CDH4: variants seen among roughly 807,000 people sequenced by gnomAD.
CDH4 encodes the protein cadherin-4.
In CDH4, 33 loss-of-function variants were observed where a neutral mutation model predicts 86.0. The ratio of observed to expected loss-of-function variants is 0.38; its 90% confidence interval spans 0.29 to 0.51. CDH4 has a LOEUF of 0.51. Among genes scored for constraint, CDH4 ranks in the 20% least tolerant of loss-of-function variants. The pLI is 0.86. For missense variants in CDH4, 1,114 were observed against 1,307.4 expected (o/e 0.85, Z 2.28); for synonymous variants, 555 against 549.4 (o/e 1.01, Z -0.14).
rs6061346 is a variant in CDH4, at chr20:61,754,663, C to T, written c.396+10874C>T. Among the ~76,000 whole-genome samples, 5,572 of 147,410 alleles carry T rather than the reference C, an allele frequency of 0.038. 351 individuals are homozygous for T. Among genetic ancestry groups the T allele is most frequent in the African/African-American group, 0.13 (5,283 of 39,940 alleles). On this transcript the variant is annotated intron_variant, in intron 3 of 15. Coordinates refer to ENST00000614565, the MANE Select transcript of CDH4 (RefSeq NM_001794.5). This position sits in a 1 kb window ranked among gnomAD's most constrained non-coding sequence, Gnocchi z 4.7. ...ACGCCCCACACACCACACGCACACA[C>T]GCCCCGCACACACTATGCACACCAC...
chr20:61,671,498 GA>G (rs1262480462), intron 2 of CDH4, among the ~76,000 whole-genome samples: 1 of 151,666 alleles, frequency 6.6e-6, no homozygotes, highest in Non-Finnish European at 1.5e-5. Context: ...CTGGTCTCTA[GA>G]AAAAAAAGAA....
intron 2 of CDH4, among the ~76,000 whole-genome samples, chr20:61,444,132 C>T (rs1405912712): frequency 1.3e-5 from 2 of 148,784 alleles, no homozygotes; most frequent in Admixed American, 1.3e-4. Flanking sequence ...ATATGTGTCT[C>T]TGTATGTCTG....
chr20:61,282,413 A>T (rs934124395), intron 2 of CDH4, among the ~76,000 whole-genome samples: 2 of 152,264 alleles, frequency 1.3e-5, no homozygotes, highest in Admixed American at 1.3e-4. Flanking sequence ...TTCATAAAAC[A>T]TTCTGTATTT....
chr20:61,907,884 G>A (rs889814069), intron 8 of CDH4, among the ~76,000 whole-genome samples: 4 of 152,198 alleles, frequency 2.6e-5, no homozygotes, highest in Non-Finnish European at 5.9e-5. Context: ...GTGGCTGAGC[G>A]TGGCCATCGT....
At chr20:61,400,701 T>C (rs1025564189) in intron 2 of CDH4, among the ~76,000 whole-genome samples, 3 of 152,148 alleles carry the variant, frequency 2.0e-5, no homozygotes, top group African/African-American at 7.2e-5. Context: ...GGGGTGGGGA[T>C]GCGAGAAGCT....
intron 2 of CDH4, among the ~76,000 whole-genome samples, chr20:61,401,319 C>T (rs1301135282): frequency 6.6e-6 from 1 of 152,192 alleles, no homozygotes; most frequent in Non-Finnish European, 1.5e-5. Context: ...TGGTTCTGTG[C>T]CTGGTACATT....
intron 2 of CDH4, among the ~76,000 whole-genome samples, chr20:61,561,740 A>G (rs1354784495): frequency 6.6e-6 from 1 of 152,256 alleles, no homozygotes; most frequent in Admixed American, 6.5e-5. Flanking sequence ...TTTAGCCACA[A>G]AATGAGCATG....
At chr20:61,267,104 CAG>C (rs933110893) in intron 2 of CDH4, among the ~76,000 whole-genome samples, 11 of 152,026 alleles carry the variant, frequency 7.2e-5, no homozygotes, top group African/African-American at 2.2e-4. Flanking sequence ...CTAGAATCTG[CAG>C]AGAGAGAGAG....
At chr20:61,666,575 C>T (rs767406648) in intron 2 of CDH4, among the ~76,000 whole-genome samples, 8 of 152,188 alleles carry the variant, frequency 5.3e-5, no homozygotes, top group Admixed American at 3.3e-4. Flanking sequence ...ACATGGAGGA[C>T]GGAGCTGAGG....
At chr20:61,398,002 C>T (rs1322980896) in intron 2 of CDH4, among the ~76,000 whole-genome samples, 3 of 152,198 alleles carry the variant, frequency 2.0e-5, no homozygotes, top group African/African-American at 7.2e-5. Context: ...TGCCGAGCTG[C>T]GTGCCTGGGA....
At chr20:61,667,860 A>G (rs1600856425) in intron 2 of CDH4, among the ~76,000 whole-genome samples, 1 of 152,204 alleles carries the variant, frequency 6.6e-6, no homozygotes, top group South Asian at 2.1e-4. Flanking sequence ...CTGAACAGGA[A>G]ATGCACGTCT....
intron 2 of CDH4, among the ~76,000 whole-genome samples, chr20:61,662,607 G>A (rs966835623): frequency 2.6e-5 from 4 of 152,178 alleles, no homozygotes; most frequent in South Asian, 4.1e-4. Flanking sequence ...GGACTGGGGC[G>A]TGAGGAAAGG....
chr20:61,903,635 C>T (rs1019697942), intron 8 of CDH4, among the ~76,000 whole-genome samples: 2 of 149,886 alleles, frequency 1.3e-5, no homozygotes, highest in African/African-American at 2.5e-5. Flanking sequence ...GTTATTCATT[C>T]GCGGATGTAT....
chr20:61,310,696 T>C (rs1038720505), intron 2 of CDH4, among the ~76,000 whole-genome samples: 33 of 117,186 alleles, frequency 2.8e-4, no homozygotes, highest in Non-Finnish European at 3.9e-4. Flanking sequence ...GTTTCCTCAC[T>C]GTTCTGGGGG....
chr20:61,315,665 T>G (rs1016596837), intron 2 of CDH4, among the ~76,000 whole-genome samples: 11 of 152,360 alleles, frequency 7.2e-5, no homozygotes, highest in East Asian at 3.9e-4. Flanking sequence ...AAAAGTTGTA[T>G]ATATTTATGG....
chr20:61,410,780 G>A (rs2798590), intron 2 of CDH4, among the ~76,000 whole-genome samples: 92,383 of 150,250 alleles, frequency 0.61, 33,235 homozygotes, highest in East Asian at 1. Context: ...CCATCTGTCA[G>A]TCATCCACCC....
intron 2 of CDH4, among the ~76,000 whole-genome samples, chr20:61,488,026 T>A (rs2085605847): frequency 6.6e-6 from 1 of 152,224 alleles, no homozygotes; most frequent in African/African-American, 2.4e-5. Flanking sequence ...AATCGATGAT[T>A]CTGTGGGAGG....
intron 2 of CDH4, among the ~76,000 whole-genome samples, chr20:61,398,930 A>G (rs892699426): frequency 6.6e-6 from 1 of 151,972 alleles, no homozygotes. Flanking sequence ...TTGCTCTCAC[A>G]TTTTCAGATT....
rs756161760 is a variant in CDH4 at position 61,316,401 on chromosome 20, C to A, written c.169+61464C>A. On this transcript the variant is annotated intron_variant, in intron 2 of 15. Coordinates refer to ENST00000614565, the MANE Select transcript of CDH4 (RefSeq NM_001794.5). ...AAGGCTCTAACAAGTTTGAAAAAGT[C>A]CACTTGGCCCCCTAAATCAAGTTCA... 1.0e-3 allele frequency among the ~76,000 whole-genome samples: 157 copies of A among 152,344 alleles called. 2 individuals are homozygous for A. The highest frequency in any genetic ancestry group is 3.4e-3 in the Middle Eastern group (1 of 294).
Sources: gnomAD v4.1 joint callset for allele counts (sites outside exome capture counted in the v4.1 genomes callset) on GRCh38, gnomAD v4.1.1 for gene constraint, Gnocchi (gnomAD v3.1) non-coding constraint, MANE v1.5 for transcripts, NCBI Gene and HGNC (gene_info 2026-07-23, HGNC 2026-07-21) for gene names.